GALNT13: variants seen among roughly 807,000 people sequenced by gnomAD.
The protein encoded by GALNT13 is polypeptide N-acetylgalactosaminyltransferase 13, also known as UDP-GalNAc:polypeptide N-acetylgalactosaminyltransferase 13.
GALNT13 carries 28 observed loss-of-function variants against 64.2 expected under a neutral mutation model. The ratio of observed to expected loss-of-function variants is 0.44; its 90% CI spans 0.32 to 0.60. GALNT13 has a LOEUF of 0.60. GALNT13 is among the 20% of genes least tolerant of loss of function. The pLI is 0.05. For synonymous variants in GALNT13, 214 were observed against 224.6 expected, an observed-to-expected ratio of 0.95 and a Z score of 0.42; for missense variants, 577 against 669.8, an observed-to-expected ratio of 0.86 and a Z score of 1.53.
chr2:153,289,780 C>T, the GALNT13 span, among the ~76,000 whole-genome samples: 16 of 152,286 alleles, frequency 1.1e-4, no homozygotes, highest in African/African-American at 3.6e-4. Flanking sequence ...CCAGTGTAAA[C>T]ATTTCTGGGG....
chr2:153,181,099 G>A, the GALNT13 span, among the ~76,000 whole-genome samples: 4 of 95,614 alleles, frequency 4.2e-5, no homozygotes, highest in African/African-American at 8.2e-5. Context: ...GTAATATTAA[G>A]TTGCTCATTT....
intron 11 of GALNT13, among the ~76,000 whole-genome samples, chr2:154,410,240 C>A (rs1358748168): frequency 1.3e-5 from 2 of 151,832 alleles, no homozygotes; most frequent in Non-Finnish European, 2.9e-5. Context: ...TGCCAAAAAC[C>A]AATGAAGTCC....
the GALNT13 span, among the ~76,000 whole-genome samples, chr2:153,273,290 AT>A: frequency 1.3e-5 from 2 of 152,330 alleles, no homozygotes; most frequent in Admixed American, 6.5e-5. Flanking sequence ...TTTTAAAAAA[AT>A]GAACCACTGC....
the GALNT13 span, among the ~76,000 whole-genome samples, chr2:153,837,255 C>G: frequency 2.6e-5 from 4 of 152,102 alleles, no homozygotes; most frequent in Admixed American, 6.6e-5. Flanking sequence ...TCTCTGATGG[C>G]CAGTGATGAT....
chr2:154,220,046 A>G (rs1055376202), intron 4 of GALNT13, among the ~76,000 whole-genome samples: 7 of 152,090 alleles, frequency 4.6e-5, no homozygotes, highest in African/African-American at 1.7e-4. Context: ...ATTCTTTAAG[A>G]AGACTAATAA....
chr2:153,234,238 G>A, the GALNT13 span, among the ~76,000 whole-genome samples: 5 of 152,150 alleles, frequency 3.3e-5, no homozygotes, highest in Non-Finnish European at 7.4e-5. Flanking sequence ...CCAGGAGATA[G>A]GCACCAGCTG....
At chr2:153,240,469 C>G in the GALNT13 span, among the ~76,000 whole-genome samples, 1 of 152,006 alleles carries the variant, frequency 6.6e-6, no homozygotes, top group African/African-American at 2.4e-5. Flanking sequence ...GGTTCAGTAG[C>G]CCTGCCTCTG....
intron 9 of GALNT13, among the ~76,000 whole-genome samples, chr2:154,362,311 T>C (rs1697118007): frequency 1.4e-5 from 2 of 144,912 alleles, no homozygotes; most frequent in Non-Finnish European, 3.0e-5. Flanking sequence ...TGGACTAGTC[T>C]TATTACTTGC....
intron 9 of GALNT13, among the ~76,000 whole-genome samples, chr2:154,377,642 C>G (rs1698063870): frequency 6.6e-6 from 1 of 152,132 alleles, no homozygotes; most frequent in Non-Finnish European, 1.5e-5. Context: ...CGTAGTTAAT[C>G]TGACTTAAAA....
intron 3 of GALNT13, among the ~76,000 whole-genome samples, chr2:153,970,788 A>G (rs1693686409): frequency 6.6e-6 from 1 of 152,084 alleles, no homozygotes; most frequent in South Asian, 2.1e-4. Flanking sequence ...AAAATTTCAG[A>G]TATTCTCAAC....
At chr2:153,627,985 A>G in the GALNT13 span, among the ~76,000 whole-genome samples, 7 of 152,190 alleles carry the variant, frequency 4.6e-5, no homozygotes, top group Admixed American at 6.6e-5. Context: ...ACCCATGAGC[A>G]TGGAATGTTC....
intron 3 of GALNT13, among the ~76,000 whole-genome samples, chr2:154,005,476 T>C (rs1696182714): frequency 6.6e-6 from 1 of 152,198 alleles, no homozygotes; most frequent in African/African-American, 2.4e-5. Context: ...CTTTGATTTA[T>C]TCTTCAGTTG....
chr2:154,077,535 CTATT>C (rs1701051719), intron 3 of GALNT13, among the ~76,000 whole-genome samples: 2 of 151,354 alleles, frequency 1.3e-5, no homozygotes, highest in South Asian at 4.1e-4. Flanking sequence ...TCATTTTCAT[CTATT>C]GAATTGGCAA....
the GALNT13 span, among the ~76,000 whole-genome samples, chr2:153,656,928 A>T: frequency 0.86 from 130,930 of 151,868 alleles, 56,616 homozygotes; most frequent in East Asian, 0.92. Context: ...GAGTTGGGGG[A>T]TTGGCAGCTA....
At chr2:153,410,268 G>T in the GALNT13 span, among the ~76,000 whole-genome samples, 1 of 151,602 alleles carries the variant, frequency 6.6e-6, no homozygotes. Flanking sequence ...AGGGGGGGTG[G>T]GGTAGGGGGA....
intron 11 of GALNT13, among the ~76,000 whole-genome samples, chr2:154,416,888 A>C: frequency 6.6e-6 from 1 of 152,146 alleles, no homozygotes; most frequent in East Asian, 1.9e-4. Flanking sequence ...GAGGCGTCAA[A>C]GTTGTACCAT....
At chr2:153,252,844 C>T in the GALNT13 span, among the ~76,000 whole-genome samples, 2 of 152,150 alleles carry the variant, frequency 1.3e-5, no homozygotes, top group South Asian at 4.1e-4. Flanking sequence ...TGCTTTGGTA[C>T]CAGCACCACG....
the GALNT13 span, among the ~76,000 whole-genome samples, chr2:153,476,316 T>G: frequency 6.6e-6 from 1 of 152,226 alleles, no homozygotes; most frequent in African/African-American, 2.4e-5. Context: ...TGGAACACTT[T>G]ATTATTATTT....
At chr2:153,177,041 C>T in the GALNT13 span, among the ~76,000 whole-genome samples, 5 of 151,906 alleles carry the variant, frequency 3.3e-5, no homozygotes, top group Middle Eastern at 3.4e-3. Flanking sequence ...ATTGAGGCAC[C>T]GGGGTACAAG....
Sources: gnomAD v4.1 joint callset for allele counts (sites outside exome capture counted in the v4.1 genomes callset) on GRCh38, gnomAD v4.1.1 for gene constraint, MANE v1.5 for transcripts, NCBI Gene and HGNC (gene_info 2026-07-23, HGNC 2026-07-21) for gene names.